The following SDHAF4 variants were observed in gnomAD, a reference collection of about 807,000 sequenced individuals.
SDHAF4 encodes succinate dehydrogenase assembly factor 4, mitochondrial.
Under a neutral mutation model 14.3 loss-of-function variants are expected in SDHAF4, and 14 were observed. That is an observed-to-expected ratio of 0.98 (90% CI 0.65 to 1.53). The LOEUF (loss-of-function observed/expected upper bound fraction) is 1.53. SDHAF4 is among the 40% of genes most tolerant of loss of function. The pLI is 0.00. For missense variants in SDHAF4, 141 were observed against 129.3 expected (o/e 1.09, Z -0.44); for synonymous variants, 63 against 47.3 (o/e 1.33, Z -1.36).
chr6:70,595,053 T>C, the SDHAF4 span, among the ~76,000 whole-genome samples: 1 of 152,182 alleles, frequency 6.6e-6, no homozygotes, highest in Non-Finnish European at 1.5e-5. Flanking sequence ...TCAGTCAGTT[T>C]TGATGACTCA....
intron 1 of SDHAF4, 60 bp downstream of exon 1, chr6:70,567,064 G>T: frequency 6.8e-7 from 1 of 1,473,028 alleles, no homozygotes; most frequent in South Asian, 1.2e-5. Context: ...CAGGCGCAGA[G>T]AGAAGCGCCT....
the SDHAF4 span, among the ~76,000 whole-genome samples, chr6:70,597,968 T>G: frequency 6.6e-6 from 1 of 152,220 alleles, no homozygotes; most frequent in East Asian, 1.9e-4. Context: ...TACAAAAGAT[T>G]ATCGAACTAA....
chr6:70,594,980 A>G, the SDHAF4 span, among the ~76,000 whole-genome samples: 4 of 152,098 alleles, frequency 2.6e-5, no homozygotes, highest in Admixed American at 2.6e-4. Context: ...AAGCAACAGA[A>G]AATGGACTAA....
At chr6:70,570,210 G>T (rs1254627982) in intron 1 of SDHAF4, among the ~76,000 whole-genome samples, 1 of 152,164 alleles carries the variant, frequency 6.6e-6, no homozygotes. Context: ...GATGCTTAAT[G>T]ATTTTGTATC....
At chr6:70,595,954 T>C in the SDHAF4 span, among the ~76,000 whole-genome samples, 1 of 152,182 alleles carries the variant, frequency 6.6e-6, no homozygotes, top group African/African-American at 2.4e-5. Context: ...AGACAACTTA[T>C]ATACTTCAAA....
chr6:70,576,358 T>G (rs769671672), intron 1 of SDHAF4, among the ~76,000 whole-genome samples: 4 of 152,242 alleles, frequency 2.6e-5, no homozygotes, highest in Non-Finnish European at 4.4e-5. Flanking sequence ...TAAACCCTCT[T>G]TCTACAGATA....
intron 1 of SDHAF4, among the ~76,000 whole-genome samples, chr6:70,570,877 T>G (rs1446120977): frequency 6.6e-6 from 1 of 152,160 alleles, no homozygotes; most frequent in African/African-American, 2.4e-5. Flanking sequence ...TCTGTTCTTT[T>G]AAACCAAAAA....
the SDHAF4 span, among the ~76,000 whole-genome samples, chr6:70,594,766 GC>G: frequency 6.6e-6 from 1 of 152,060 alleles, no homozygotes; most frequent in African/African-American, 2.4e-5. Context: ...TACAAAATTA[GC>G]CAGATGTGGT....
downstream of SDHAF4, among the ~76,000 whole-genome samples, chr6:70,590,255 G>A (rs1168848209): frequency 1.3e-5 from 2 of 151,784 alleles, no homozygotes; most frequent in African/African-American, 4.8e-5. Context: ...AAAATAAAAA[G>A]CAAAGAAAAG....
chr6:70,597,775 A>G, the SDHAF4 span, among the ~76,000 whole-genome samples: 261 of 152,280 alleles, frequency 1.7e-3, no homozygotes, highest in African/African-American at 6.1e-3. Flanking sequence ...TGACTTTGCC[A>G]TATATAAGCC....
intron 2 of SDHAF4, among the ~76,000 whole-genome samples, chr6:70,586,074 G>A (rs13197182): frequency 0.14 from 21,281 of 152,142 alleles, 1,918 homozygotes; most frequent in Middle Eastern, 0.22. Context: ...CAGTAGAACA[G>A]GTTTTAACAT....
At chr6:70,591,808 C>G (rs1204249210), downstream of SDHAF4, among the ~76,000 whole-genome samples, 1 of 152,156 alleles carries the variant, frequency 6.6e-6, no homozygotes, top group African/African-American at 2.4e-5. Context: ...TTTGTCGCCT[C>G]CAAAACTTAT....
chr6:70,590,954 C>G (rs1482647460), downstream of SDHAF4, among the ~76,000 whole-genome samples: 2 of 152,070 alleles, frequency 1.3e-5, no homozygotes, highest in Non-Finnish European at 2.9e-5. Context: ...TAAATCCAGT[C>G]TGAGGGCAAA....
intron 1 of SDHAF4, among the ~76,000 whole-genome samples, chr6:70,568,957 T>TTTGTC (rs1802141324): frequency 9.2e-6 from 1 of 109,110 alleles, no homozygotes; most frequent in Non-Finnish European, 1.8e-5. Flanking sequence ...ACCTCTTTCT[T>TTTGTC]TTTTCTTTTT....
At chr6:70,587,469 G>T (rs550034550) in intron 2 of SDHAF4, among the ~76,000 whole-genome samples, 3 of 152,284 alleles carry the variant, frequency 2.0e-5, no homozygotes, top group African/African-American at 2.4e-5. Flanking sequence ...TACTCCAGCA[G>T]GGCAACAGAG....
At chr6:70,581,032 T>G (rs1030703436) in intron 2 of SDHAF4, among the ~76,000 whole-genome samples, 1 of 152,064 alleles carries the variant, frequency 6.6e-6, no homozygotes, top group Non-Finnish European at 1.5e-5. Flanking sequence ...CCCAGGTTCA[T>G]GTAATACTCC....
chr6:70,583,410 G>T (rs1047572102), intron 2 of SDHAF4, among the ~76,000 whole-genome samples: 2 of 152,160 alleles, frequency 1.3e-5, no homozygotes, highest in South Asian at 4.1e-4. Flanking sequence ...ACCATGCCTG[G>T]CCGGAAAAGT....
chr6:70,567,110 G>C (rs1802107604), intron 1 of SDHAF4, 106 bp downstream of exon 1: 1 of 1,146,756 alleles, frequency 8.7e-7, no homozygotes, highest in African/African-American at 1.6e-5. Context: ...TGGCCGTTCG[G>C]TGTTGCCAGG....
At chr6:70,587,159 GAAACTCCATCACACACACACAC>G (rs1765210226) in intron 2 of SDHAF4, among the ~76,000 whole-genome samples, 1 of 94,688 alleles carries the variant, frequency 1.1e-5, no homozygotes, top group African/African-American at 5.0e-5. Context: ...CAATAAGAGT[GAAACTCCATCACACACACACAC>G]ACACACACAC....
Sources: gnomAD v4.1 joint callset for allele counts (sites outside exome capture counted in the v4.1 genomes callset) on GRCh38, gnomAD v4.1.1 for gene constraint, MANE v1.5 for transcripts, NCBI Gene and HGNC (gene_info 2026-07-23, HGNC 2026-07-21) for gene names.